The following DRC11 variants were observed in gnomAD, a reference collection of about 807,000 sequenced individuals.
DRC11 encodes IQ and AAA domain-containing protein 1.
the DRC11 span, among the ~76,000 whole-genome samples, chr2:236,492,374 A>AT: frequency 1.3e-5 from 2 of 152,190 alleles, no homozygotes; most frequent in Non-Finnish European, 2.9e-5. Context: ...GCTGGCAAAT[A>AT]CAGGGCATGC....
chr2:236,408,115 C>A, the DRC11 span: 1 of 649,904 alleles, frequency 1.5e-6, no homozygotes, highest in African/African-American at 1.8e-5. This position sits in a 1 kb window ranked among gnomAD's most constrained non-coding sequence, Gnocchi z 5.5. Flanking sequence ...TGGGACAAAG[C>A]CACCCAGAGA....
the DRC11 span, among the ~76,000 whole-genome samples, chr2:236,386,429 GAT>G: frequency 6.6e-6 from 1 of 151,898 alleles, no homozygotes; most frequent in Non-Finnish European, 1.5e-5. Context: ...ATTTCTTCTA[GAT>G]TTTCTAGTTT....
chr2:236,320,435 G>A, the DRC11 span, among the ~76,000 whole-genome samples: 10 of 152,084 alleles, frequency 6.6e-5, no homozygotes, highest in Admixed American at 3.9e-4. Context: ...CCACAATTAC[G>A]GTCTTCATAT....
the DRC11 span, among the ~76,000 whole-genome samples, chr2:236,425,542 C>T: frequency 1.6e-3 from 238 of 152,094 alleles, 5 homozygotes; most frequent in African/African-American, 5.6e-3. Context: ...TGGAAATTAA[C>T]GCCTTATCAG....
chr2:236,370,856 T>G, the DRC11 span, among the ~76,000 whole-genome samples: 1 of 151,846 alleles, frequency 6.6e-6, no homozygotes, highest in Non-Finnish European at 1.5e-5. The surrounding 1 kb of genome is among the most constrained non-coding windows in gnomAD (Gnocchi z 5.5). Flanking sequence ...AGGAAGGTGT[T>G]GTCCCCAGCT....
chr2:236,503,747 C>T, the DRC11 span: 1 of 1,499,456 alleles, frequency 6.7e-7, no homozygotes, highest in Non-Finnish European at 9.1e-7. The surrounding 1 kb of genome is among the most constrained non-coding windows in gnomAD (Gnocchi z 4.9). Context: ...CGTGACCACA[C>T]CCCCTCCCAC....
chr2:236,412,208 C>T, the DRC11 span, among the ~76,000 whole-genome samples: 11 of 152,114 alleles, frequency 7.2e-5, no homozygotes, highest in African/African-American at 2.4e-4. Flanking sequence ...TCTCACTTCT[C>T]ATGGCAGAGG....
chr2:236,450,602 G>A, the DRC11 span, among the ~76,000 whole-genome samples: 2 of 152,144 alleles, frequency 1.3e-5, no homozygotes, highest in African/African-American at 4.8e-5. Flanking sequence ...ATAGGCGTGA[G>A]CCACAATGCC....
chr2:236,307,268 G>A, the DRC11 span, among the ~76,000 whole-genome samples: 3 of 152,134 alleles, frequency 2.0e-5, no homozygotes, highest in African/African-American at 7.2e-5. The surrounding 1 kb of genome is among the most constrained non-coding windows in gnomAD (Gnocchi z 7.0). Flanking sequence ...CCCATACAGA[G>A]CGCACATCTC....
At chr2:236,328,679 T>C in the DRC11 span, among the ~76,000 whole-genome samples, 1 of 152,190 alleles carries the variant, frequency 6.6e-6, no homozygotes, top group Non-Finnish European at 1.5e-5. This position sits in a 1 kb window ranked among gnomAD's most constrained non-coding sequence, Gnocchi z 6.7. Context: ...TAGCCTTGGC[T>C]CTGTTTTTAA....
At chr2:236,409,063 C>T in the DRC11 span, 18 of 560,658 alleles carry the variant, frequency 3.2e-5, no homozygotes, top group Admixed American at 4.8e-4. Context: ...GAGTGGAGGA[C>T]TTCTTGTGAG....
chr2:236,438,518 G>A, the DRC11 span, among the ~76,000 whole-genome samples: 1 of 151,328 alleles, frequency 6.6e-6, no homozygotes, highest in Non-Finnish European at 1.5e-5. Context: ...CATTGAATCT[G>A]TAAATTACTT....
At chr2:236,480,051 TAATA>T in the DRC11 span, among the ~76,000 whole-genome samples, 10 of 151,554 alleles carry the variant, frequency 6.6e-5, no homozygotes, top group African/African-American at 1.7e-4. Context: ...TTTCAGAACT[TAATA>T]AATATGTTTT....
At chr2:236,404,083 G>C in the DRC11 span, among the ~76,000 whole-genome samples, 1 of 148,578 alleles carries the variant, frequency 6.7e-6, no homozygotes, top group African/African-American at 2.5e-5. Flanking sequence ...CCCGAGTTCT[G>C]ATGCTCTCTT....
At chr2:236,452,560 A>G in the DRC11 span, among the ~76,000 whole-genome samples, 11 of 152,216 alleles carry the variant, frequency 7.2e-5, no homozygotes, top group African/African-American at 2.2e-4. The surrounding 1 kb of genome is among the most constrained non-coding windows in gnomAD (Gnocchi z 4.7). Flanking sequence ...CTTACACTCA[A>G]TAAAGGCAAT....
chr2:236,488,639 T>C, the DRC11 span, among the ~76,000 whole-genome samples: 1 of 152,210 alleles, frequency 6.6e-6, no homozygotes, highest in African/African-American at 2.4e-5. Context: ...TAAAATCAAG[T>C]ACAGAATGCC....
At chr2:236,480,574 G>C in the DRC11 span, among the ~76,000 whole-genome samples, 2 of 152,188 alleles carry the variant, frequency 1.3e-5, no homozygotes, top group South Asian at 2.1e-4. Context: ...TTGATTTTTA[G>C]AAGTTATTTC....
chr2:236,341,362 C>G, the DRC11 span, among the ~76,000 whole-genome samples: 1 of 152,184 alleles, frequency 6.6e-6, no homozygotes, highest in Non-Finnish European at 1.5e-5. Flanking sequence ...CGCTACTCTC[C>G]TAGGAGGAGG....
At chr2:236,369,460 T>C in the DRC11 span, among the ~76,000 whole-genome samples, 1 of 151,882 alleles carries the variant, frequency 6.6e-6, no homozygotes, top group Admixed American at 6.6e-5. This position sits in a 1 kb window ranked among gnomAD's most constrained non-coding sequence, Gnocchi z 4.5. Flanking sequence ...AATAGAAGAG[T>C]GGTTAATTTA....
Sources: gnomAD v4.1 joint callset for allele counts (sites outside exome capture counted in the v4.1 genomes callset) on GRCh38, gnomAD v4.1.1 for gene constraint, Gnocchi (gnomAD v3.1) non-coding constraint, MANE v1.5 for transcripts, NCBI Gene and HGNC (gene_info 2026-07-23, HGNC 2026-07-21) for gene names.